Variants in UTS2 observed in about 807,000 individuals in gnomAD.
UTS2 encodes urotensin 2.
In UTS2, 10 loss-of-function variants were observed where a neutral mutation model predicts 12.6. That is an observed-to-expected ratio of 0.80 (90% CI 0.49 to 1.35). The LOEUF is 1.35. Among genes scored for constraint, UTS2 ranks in the 40% most tolerant of loss-of-function variants. The pLI is 0.00. For synonymous variants in UTS2, 52 were observed against 50.0 expected (o/e 1.04, Z -0.17); for missense variants, 142 against 143.2 (o/e 0.99, Z 0.04).
the UTS2 span, among the ~76,000 whole-genome samples, chr1:7,863,978 G>T: frequency 6.6e-6 from 1 of 152,180 alleles, no homozygotes; most frequent in Non-Finnish European, 1.5e-5. Context: ...GGGTCTGCCC[G>T]GGAGAATTCA....
the UTS2 span, among the ~76,000 whole-genome samples, chr1:7,908,460 CAAAAAA>C: frequency 4.0e-5 from 2 of 49,620 alleles, no homozygotes; most frequent in African/African-American, 6.5e-5. Flanking sequence ...GACTCTGTCT[CAAAAAA>C]AAAAAAAAAA....
At chr1:7,892,499 G>A in the UTS2 span, among the ~76,000 whole-genome samples, 2 of 117,324 alleles carry the variant, frequency 1.7e-5, no homozygotes, top group East Asian at 2.5e-4. Context: ...TTTTTGAGAC[G>A]GAGTGTCACT....
chr1:7,892,377 G>A, the UTS2 span, among the ~76,000 whole-genome samples: 2 of 151,322 alleles, frequency 1.3e-5, no homozygotes, highest in Admixed American at 6.6e-5. Context: ...GCCTGCATTC[G>A]TGGGCTCTTG....
the UTS2 span, among the ~76,000 whole-genome samples, chr1:7,865,893 A>G: frequency 0.67 from 101,827 of 152,118 alleles, 35,024 homozygotes; most frequent in South Asian, 0.86. Flanking sequence ...CCAAGATTGT[A>G]CCACTGCACT....
At chr1:7,881,445 T>C in the UTS2 span, among the ~76,000 whole-genome samples, 2 of 152,170 alleles carry the variant, frequency 1.3e-5, no homozygotes, top group African/African-American at 2.4e-5. Context: ...AGTTGCAGTA[T>C]ATAAAACCAA....
At chr1:7,881,290 A>G in the UTS2 span, among the ~76,000 whole-genome samples, 1 of 152,216 alleles carries the variant, frequency 6.6e-6, no homozygotes, top group South Asian at 2.1e-4. Context: ...TCCTTGCCAG[A>G]GCAATCAGGC....
upstream of UTS2, among the ~76,000 whole-genome samples, chr1:7,856,641 A>T (rs1039831836): frequency 2.5e-5 from 1 of 39,598 alleles, no homozygotes; most frequent in Non-Finnish European, 6.0e-5. Flanking sequence ...GTCCTCTAAG[A>T]TGGAAAGTGC....
chr1:7,847,805 T>C lies in UTS2; in HGVS notation c.336A>G (p.Lys112=), dbSNP rs1202175262. ...TCCAGAAGCAATCAGGAGTCTCACG[T>C]TTCTTGTATGGTTTCCAGATTCTGG... ...LLARIWKPYK[K]RETPDCFWKY... Residue 112 remains lysine, a synonymous_variant, in exon 4 of 4, where the codon AAA becomes AAG. Coordinates refer to ENST00000361696, the MANE Select transcript of UTS2 (RefSeq NM_006786.4). 3 of 1,614,102 alleles carry C rather than the reference T, an allele frequency of 1.9e-6. No individual in the cohort carries two copies. In the South Asian group the frequency reaches 3.3e-5, roughly 18 times the overall value.
chr1:7,858,550 T>C, the UTS2 span, among the ~76,000 whole-genome samples: 1 of 152,320 alleles, frequency 6.6e-6, no homozygotes, highest in Non-Finnish European at 1.5e-5. Flanking sequence ...GACACGTTTG[T>C]CGTTGTATAA....
chr1:7,891,085 G>A, the UTS2 span, among the ~76,000 whole-genome samples: 4 of 151,868 alleles, frequency 2.6e-5, no homozygotes, highest in Non-Finnish European at 4.4e-5. Context: ...ATGAGCTATC[G>A]ATACATGCAT....
chr1:7,895,158 C>T, the UTS2 span, among the ~76,000 whole-genome samples: 1 of 152,066 alleles, frequency 6.6e-6, no homozygotes, highest in South Asian at 2.1e-4. Flanking sequence ...CACTTGAGGC[C>T]AGGAGTTTGA....
the UTS2 span, among the ~76,000 whole-genome samples, chr1:7,861,510 G>A: frequency 8.5e-5 from 13 of 152,362 alleles, no homozygotes; most frequent in East Asian, 3.9e-4. Flanking sequence ...ACGCTCTGGC[G>A]TCAGGAGAGA....
chr1:7,892,479 T>TG, the UTS2 span, among the ~76,000 whole-genome samples: 5 of 141,920 alleles, frequency 3.5e-5, no homozygotes, highest in Middle Eastern at 3.4e-3. Context: ...GTTTTTTTTT[T>TG]TTTTTTTTTT....
At chr1:7,851,814 AT>A (rs1446885408) in intron 1 of UTS2, among the ~76,000 whole-genome samples, 8 of 152,256 alleles carry the variant, frequency 5.3e-5, no homozygotes, top group Non-Finnish European at 7.3e-5. Context: ...AAATTCTGCG[AT>A]AAGCTGCCAC....
At chr1:7,872,798 G>T in the UTS2 span, among the ~76,000 whole-genome samples, 1 of 152,214 alleles carries the variant, frequency 6.6e-6, no homozygotes, top group Non-Finnish European at 1.5e-5. Flanking sequence ...GATGAAGGTG[G>T]CTACTCTAAA....
chr1:7,888,764 T>G, the UTS2 span, among the ~76,000 whole-genome samples: 167 of 152,278 alleles, frequency 1.1e-3, no homozygotes, highest in African/African-American at 4.0e-3. Flanking sequence ...AATACTTGAG[T>G]CAACCAAGAA....
At chr1:7,892,133 T>C in the UTS2 span, among the ~76,000 whole-genome samples, 1 of 152,198 alleles carries the variant, frequency 6.6e-6, no homozygotes, top group Non-Finnish European at 1.5e-5. Context: ...TGCAGAACGC[T>C]TGTCACTGCA....
the UTS2 span, among the ~76,000 whole-genome samples, chr1:7,873,173 G>A: frequency 4.6e-5 from 7 of 152,204 alleles, no homozygotes; most frequent in East Asian, 7.7e-4. Flanking sequence ...ATTATTGCTC[G>A]CAAACAGTGC....
chr1:7,902,090 G>A, the UTS2 span, among the ~76,000 whole-genome samples: 1 of 152,158 alleles, frequency 6.6e-6, no homozygotes, highest in African/African-American at 2.4e-5. Context: ...AAGCTTTGGG[G>A]CTCTGTGGCT....
Sources: allele counts gnomAD v4.1 joint callset (sites outside exome capture counted in the v4.1 genomes callset), GRCh38; gene constraint gnomAD v4.1.1; transcripts MANE v1.5; gene names NCBI Gene and HGNC (gene_info 2026-07-23, HGNC 2026-07-21).